Variants in GAB3 observed in about 807,000 individuals in gnomAD.
The protein encoded by GAB3 is GRB2-associated-binding protein 3.
In GAB3, 12 loss-of-function variants were observed where a neutral mutation model predicts 40.4. That is an observed-to-expected ratio of 0.30 (90% CI 0.19 to 0.48). The LOEUF is 0.48. Among genes scored for constraint, GAB3 ranks in the 20% least tolerant of loss-of-function variants. The pLI, the probability that GAB3 is intolerant of heterozygous loss-of-function variation, is 0.99. For missense variants in GAB3, 381 were observed against 461.9 expected, an observed-to-expected ratio of 0.82 and a Z score of 1.61; for synonymous variants, 154 against 176.7, an observed-to-expected ratio of 0.87 and a Z score of 1.02.
intron 1 of GAB3, among the ~76,000 whole-genome samples, chrX:154,718,312 G>T (rs1170736206): frequency 1.8e-5 from 2 of 108,386 alleles, no homozygotes; most frequent in African/African-American, 6.8e-5. Flanking sequence ...CAGAAGGAAG[G>T]CAGTCACTCC....
At chrX:154,698,616 G>C (rs1336123844) in intron 6 of GAB3, among the ~76,000 whole-genome samples, 1 of 111,477 alleles carries the variant, frequency 9.0e-6, no homozygotes, top group Non-Finnish European at 1.9e-5. Context: ...AGGGGAGGAT[G>C]AGCAAGAATG....
intron 9 of GAB3, among the ~76,000 whole-genome samples, chrX:154,678,706 T>C (rs1315544287): frequency 1.8e-5 from 2 of 111,975 alleles, no homozygotes; most frequent in African/African-American, 6.5e-5. Context: ...GTTCTCATGA[T>C]AGTAAGTTCT....
intron 1 of GAB3, among the ~76,000 whole-genome samples, chrX:154,727,028 T>A (rs1167528524): frequency 8.9e-6 from 1 of 112,249 alleles, no homozygotes; most frequent in Non-Finnish European, 1.9e-5. Flanking sequence ...GTCAATAACA[T>A]TTTAAAATCA....
chrX:154,742,142 A>G (rs1328968857), intron 1 of GAB3, among the ~76,000 whole-genome samples: 3 of 112,522 alleles, frequency 2.7e-5, no homozygotes, highest in African/African-American at 9.7e-5. Context: ...ACATTTCTAA[A>G]TAACCCGCAG....
intron 8 of GAB3, among the ~76,000 whole-genome samples, chrX:154,684,066 A>T (rs1457325357): frequency 8.9e-6 from 1 of 112,172 alleles, no homozygotes; most frequent in Non-Finnish European, 1.9e-5. Context: ...TTATGAAAAA[A>T]TGCTTCTATG....
At chrX:154,679,842 G>A (rs1017727381) in intron 9 of GAB3, among the ~76,000 whole-genome samples, 18 of 111,212 alleles carry the variant, frequency 1.6e-4, no homozygotes, top group South Asian at 3.8e-4. Flanking sequence ...TCCTCTACCC[G>A]ACCCTCATTT....
intron 4 of GAB3, among the ~76,000 whole-genome samples, chrX:154,710,100 T>TTGTTCAGGCTGGC (rs2070909583): frequency 9.9e-6 from 1 of 101,071 alleles, no homozygotes; most frequent in South Asian, 6.3e-4. Flanking sequence ...ATCATCATGT[T>TTGTTCAGGCTGGC]CTGATGCATA....
chrX:154,694,117 T>C (rs1329226904), intron 8 of GAB3, among the ~76,000 whole-genome samples: 1 of 111,702 alleles, frequency 9.0e-6, no homozygotes, highest in African/African-American at 3.3e-5. Context: ...TGGGCTGTTA[T>C]GTGGCACAAG....
intron 8 of GAB3, among the ~76,000 whole-genome samples, chrX:154,688,176 T>A (rs1214579873): frequency 8.9e-6 from 1 of 112,107 alleles, no homozygotes; most frequent in Non-Finnish European, 1.9e-5. Context: ...TTTTAAATGT[T>A]TGCTCTGCAA....
chrX:154,722,466 T>C (rs2071148644), intron 1 of GAB3, among the ~76,000 whole-genome samples: 1 of 112,065 alleles, frequency 8.9e-6, no homozygotes, highest in South Asian at 3.7e-4. Flanking sequence ...TTTTTGCTGC[T>C]ATTGACACAC....
intron 6 of GAB3, among the ~76,000 whole-genome samples, chrX:154,698,373 C>T (rs1257767147): frequency 8.9e-6 from 1 of 112,099 alleles, no homozygotes; most frequent in East Asian, 2.8e-4. Context: ...CAGTGCCCAC[C>T]ACAGCAATAC....
chrX:154,685,050 T>G (rs1374704012), intron 8 of GAB3, among the ~76,000 whole-genome samples: 1 of 112,115 alleles, frequency 8.9e-6, no homozygotes, highest in Non-Finnish European at 1.9e-5. Flanking sequence ...TAAATCACTC[T>G]TTGTGCTTAG....
intron 8 of GAB3, among the ~76,000 whole-genome samples, chrX:154,688,333 G>A (rs1362342878): frequency 9.3e-6 from 1 of 107,059 alleles, no homozygotes; most frequent in East Asian, 2.9e-4. Context: ...AGGCTGGAGT[G>A]CAGTGGCATG....
At chrX:154,720,498 C>T (rs7883307) in intron 1 of GAB3, among the ~76,000 whole-genome samples, 3,950 of 107,312 alleles carry the variant, frequency 0.037, 195 homozygotes, top group African/African-American at 0.13. Flanking sequence ...AGGTAGTGGG[C>T]GCCTGTAGTC....
chrX:154,681,623 G>T (rs1042218755), intron 8 of GAB3, among the ~76,000 whole-genome samples: 1 of 110,758 alleles, frequency 9.0e-6, no homozygotes, highest in Non-Finnish European at 1.9e-5. Context: ...TTTTGACTAA[G>T]AAATACTTTT....
intron 1 of GAB3, among the ~76,000 whole-genome samples, chrX:154,745,333 G>GA (rs1407480375): frequency 1.3e-3 from 108 of 81,700 alleles, no homozygotes; most frequent in Admixed American, 1.5e-3. Flanking sequence ...CTCAGTCTCA[G>GA]AAAAAAAAAA....
intron 4 of GAB3, among the ~76,000 whole-genome samples, chrX:154,704,836 AG>A (rs2070784724): frequency 8.9e-6 from 1 of 112,000 alleles, no homozygotes; most frequent in Admixed American, 9.5e-5. Flanking sequence ...GAAAACCCAG[AG>A]GAAAAGGATA....
intron 8 of GAB3, among the ~76,000 whole-genome samples, chrX:154,681,486 T>C: frequency 9.0e-6 from 1 of 110,800 alleles, no homozygotes; most frequent in Non-Finnish European, 1.9e-5. Context: ...ATTATTTGTA[T>C]ATTTTTCTTA....
intron 9 of GAB3, 105 bp downstream of exon 9, chrX:154,680,027 G>T: frequency 1.8e-6 from 1 of 550,148 alleles, no homozygotes; most frequent in Non-Finnish European, 3.1e-6. Context: ...ATACATGTCT[G>T]CATTTTTAAC....
Sources: gnomAD v4.1 joint callset for allele counts (sites outside exome capture counted in the v4.1 genomes callset) on GRCh38, gnomAD v4.1.1 for gene constraint, MANE v1.5 for transcripts, NCBI Gene and HGNC (gene_info 2026-07-23, HGNC 2026-07-21) for gene names.